The following FYCO1 variants were observed in gnomAD, a reference collection of about 807,000 sequenced individuals.
FYCO1 encodes the protein FYVE and coiled-coil domain-containing protein 1.
FYCO1 carries 122 observed loss-of-function variants against 165.1 expected under a neutral mutation model. The ratio of observed to expected loss-of-function variants is 0.74; its 90% CI spans 0.64 to 0.86. The LOEUF (loss-of-function observed/expected upper bound fraction) is 0.86, where lower values mean the gene tolerates loss of function less well. FYCO1 is among the 40% of genes least tolerant of loss of function. The pLI, the probability that FYCO1 is intolerant of heterozygous loss-of-function variation, is 0.00. For missense variants in FYCO1, 1,702 were observed against 1,810.3 expected, an observed-to-expected ratio of 0.94 and a Z score of 1.09; for synonymous variants, 648 against 742.5, an observed-to-expected ratio of 0.87 and a Z score of 2.07.
At position 45,962,315 on chromosome 3, in the gene FYCO1, C is replaced by T. The variant is rs148343002; in HGVS notation, c.3347G>A (p.Arg1116His). ...AAGCATCTTCTGGTCATTCCTCTCA[C>T]GATTTGTCACCTCCTGGCAGAGTTT... ...YNKLCQEVTN[R>H]ERNDQKMLAD... The change falls in exon 11 of 18, where the codon CGT (arginine) becomes CAT (histidine). Residue 1116 changes from arginine (R) to histidine (H), a missense_variant. Arg to His is a conservative substitution (Grantham distance 29, BLOSUM62 0). Transcript: ENST00000296137. The surrounding 1 kb of genome is among the most constrained non-coding windows in gnomAD (Gnocchi z 4.4). 129 of 1,614,182 alleles carry T rather than the reference C, an allele frequency of 8.0e-5. No individual in the cohort carries two copies. The East Asian group carries it at 1.1e-3, about 13-fold the overall frequency.
rs1429777649 is a variant in FYCO1, at chr3:45,921,422, C to T, written c.*343G>A. 4 of 357,710 alleles carry T rather than the reference C, an allele frequency of 1.1e-5. No individual in the cohort carries two copies. The highest frequency in any genetic ancestry group is 9.8e-4 in the Middle Eastern group (1 of 1,018). 22.2% of individuals were successfully genotyped at this position (357,710 alleles called of 1,614,324 possible). ...GGCAGAAGTTGGAATCACCCCTGCC[C>T]GTGAAACTCTCCACAAGAGGCCTGT... On this transcript the variant is annotated 3_prime_UTR_variant, in exon 18 of 18. Transcript: ENST00000296137.
intron 14 of FYCO1, among the ~76,000 whole-genome samples, chr3:45,952,643 A>ACACATATTTGT (rs1705097031): frequency 6.6e-6 from 1 of 152,126 alleles, no homozygotes; most frequent in African/African-American, 2.4e-5. Context: ...AGACCAAACC[A>ACACATATTTGT]CACATATTTG....
intron 14 of FYCO1, chr3:45,946,825 C>T (rs772191367): frequency 4.3e-6 from 7 of 1,614,082 alleles, no homozygotes; most frequent in Admixed American, 1.7e-5. Flanking sequence ...AACTTCTACA[C>T]GTCCATGCTC....
In FYCO1 at chr3:45,949,403, C is replaced by T. The variant is rs544843175; in HGVS notation, c.3944+5846G>A. 1.5e-4 allele frequency among the ~76,000 whole-genome samples: 23 copies of T among 152,312 alleles called. 1 individual carries two copies. The South Asian group carries it at 3.9e-3, about 26-fold the overall frequency. On this transcript the variant is annotated intron_variant, in intron 14 of 17. Coordinates refer to ENST00000296137, the MANE Select transcript of FYCO1 (RefSeq NM_024513.4). ...GTCCCTGGTATCCCTGACAGTGTCCCGGCCCAAGGGACAGAGGCAGAAGTA... is the reference window on the plus strand; with the variant it reads ...GTCCCTGGTATCCCTGACAGTGTCCTGGCCCAAGGGACAGAGGCAGAAGTA...
rs1273514182 is a variant in FYCO1, at chr3:45,919,004, A to G, written c.*2761T>C. ...GCTTCAGTGGCATGATGAAGAAGGC[A>G]TCTGGTATCGATATGAAGACGTAAC... is the stretch of plus-strand genomic sequence containing the variant. On this transcript the variant is annotated 3_prime_UTR_variant, in exon 18 of 18. Coordinates refer to ENST00000296137, the MANE Select transcript of FYCO1 (RefSeq NM_024513.4). 2.0e-5 allele frequency: 3 copies of G among 151,830 alleles called. No individual in the cohort carries two copies. The highest frequency in any genetic ancestry group is 4.4e-5 in the Non-Finnish European group (3 of 68,038). The allele number at this position is 151,830 out of a possible 1,614,324, so 9.4% of individuals were successfully genotyped here. A position where few individuals can be genotyped will look rare whatever the true frequency, so the allele number is the denominator to read the frequency against.
chr3:45,951,800 A>T (rs1705048605), intron 14 of FYCO1, among the ~76,000 whole-genome samples: 1 of 152,144 alleles, frequency 6.6e-6, no homozygotes, highest in South Asian at 2.1e-4. Flanking sequence ...TTGCTTAGGG[A>T]GTCCCAGCAT....
intron 6 of FYCO1, among the ~76,000 whole-genome samples, chr3:45,972,196 C>A (rs113827503): frequency 0.02 from 2,979 of 152,182 alleles, 102 homozygotes; most frequent in African/African-American, 0.065. Context: ...TGGCTCACAC[C>A]TGTAATCCCA....
intron 1 of FYCO1, among the ~76,000 whole-genome samples, chr3:45,987,388 T>A (rs901154699): frequency 6.6e-6 from 1 of 151,730 alleles, no homozygotes; most frequent in African/African-American, 2.4e-5. Context: ...AAAAGGAGCA[T>A]TGGGATGAAT....
intron 6 of FYCO1, among the ~76,000 whole-genome samples, chr3:45,970,166 G>A (rs1218437950): frequency 6.6e-6 from 1 of 152,220 alleles, no homozygotes; most frequent in East Asian, 1.9e-4. Context: ...CAGCAACAGT[G>A]TGGCTGGGAG....
At chr3:45,971,650 T>C (rs1706452152) in intron 6 of FYCO1, among the ~76,000 whole-genome samples, 1 of 152,124 alleles carries the variant, frequency 6.6e-6, no homozygotes, top group Admixed American at 6.5e-5. Context: ...AAACTCAAAT[T>C]AAGGAACATT....
intron 8 of FYCO1, among the ~76,000 whole-genome samples, 157 bp downstream of exon 8, chr3:45,966,120 G>A (rs1457423823): frequency 1.3e-5 from 2 of 152,206 alleles, no homozygotes; most frequent in African/African-American, 4.8e-5. Context: ...GATGCTACTG[G>A]GAGCTGTGAT....
chr3:45,995,733 TCCACCGCC>T lies in FYCO1; in HGVS notation c.-132_-125del, dbSNP rs1559472290. 6.6e-6 allele frequency: 1 copy of T among 152,664 alleles called. No individual in the cohort carries two copies. The highest frequency in any genetic ancestry group is 2.4e-5 in the African/African-American group (1 of 41,412). The allele number at this position is 152,664 out of a possible 1,614,324, so 9.5% of individuals were successfully genotyped here. On this transcript the variant is annotated 5_prime_UTR_variant, in exon 1 of 18. It removes the in-frame stop codon of an upstream open reading frame in the 5' UTR. Transcript: ENST00000296137. ...TCCGCGGCACTTACGCGCTCGTGGG[TCCACCGCC>T]GGGCAGAACCGAAACTTTCTGGGGC...
chr3:45,926,309 AG>A (rs2125790973), intron 16 of FYCO1, among the ~76,000 whole-genome samples: 2 of 127,232 alleles, frequency 1.6e-5, no homozygotes, highest in South Asian at 9.5e-4. Flanking sequence ...AAAAGTAAAC[AG>A]ATGTAAACAA....
At chr3:45,951,705 C>T (rs1705041603) in intron 14 of FYCO1, among the ~76,000 whole-genome samples, 1 of 152,114 alleles carries the variant, frequency 6.6e-6, no homozygotes, top group African/African-American at 2.4e-5. Context: ...TGACGAATAC[C>T]ATCTTTTCTC....
chr3:45,981,774 G>T, intron 2 of FYCO1, 98 bp from the exon 3 acceptor site: 3 of 814,194 alleles, frequency 3.7e-6, no homozygotes, highest in Admixed American at 3.7e-5. Context: ...AGTGGTCAGT[G>T]ATACAAAGCA....
intron 16 of FYCO1, among the ~76,000 whole-genome samples, chr3:45,930,180 C>A (rs147937444): frequency 3.2e-4 from 49 of 152,368 alleles, no homozygotes; most frequent in African/African-American, 8.9e-4. Flanking sequence ...GTCCAGCAGG[C>A]CCAACGGCTT....
At chr3:45,948,898 T>C (rs1170076689) in intron 14 of FYCO1, among the ~76,000 whole-genome samples, 1 of 152,172 alleles carries the variant, frequency 6.6e-6, no homozygotes, top group Non-Finnish European at 1.5e-5. Flanking sequence ...CAGCACCACC[T>C]CTATGGGTTG....
At position 45,968,656 on chromosome 3, in the gene FYCO1, G is replaced by GT; in HGVS notation, c.677dup (p.Asn226LysfsTer8). On this transcript the variant is annotated frameshift_variant, in exon 8 of 18. Coordinates refer to ENST00000296137, the MANE Select transcript of FYCO1 (RefSeq NM_024513.4). LOFTEE classifies it high-confidence loss of function. ...TCTCATCAAAGCCCTCCAATGCCTCGTTGTTTAGGGGGCTGTTCAGGTCAA... is the reference window on the plus strand; with the variant it reads ...TCTCATCAAAGCCCTCCAATGCCTCGTTTGTTTAGGGGGCTGTTCAGGTCAA... 1 of 1,614,178 alleles carries GT rather than the reference G, an allele frequency of 6.2e-7. No individual in the cohort carries two copies. Among genetic ancestry groups the GT allele is most frequent in the Non-Finnish European group, 8.5e-7 (1 of 1,180,038 alleles).
chr3:45,931,475 T>G (rs1703625659), intron 15 of FYCO1, among the ~76,000 whole-genome samples, 194 bp from the exon 16 acceptor site: 1 of 152,142 alleles, frequency 6.6e-6, no homozygotes, highest in South Asian at 2.1e-4. Context: ...GAGCGCTAAC[T>G]ACATGCCTGG....
Sources: allele counts gnomAD v4.1 joint callset (sites outside exome capture counted in the v4.1 genomes callset), GRCh38; gene constraint gnomAD v4.1.1; non-coding constraint Gnocchi (gnomAD v3.1); transcripts MANE v1.5; gene names NCBI Gene and HGNC (gene_info 2026-07-23, HGNC 2026-07-21).